The following SIM2 variants were observed in gnomAD, a reference collection of about 807,000 sequenced individuals.
SIM2 encodes the protein SIM bHLH transcription factor 2.
SIM2 carries 28 observed loss-of-function variants against 64.8 expected under a neutral mutation model. The observed-to-expected ratio is 0.43, with a 90% CI of 0.32 to 0.59. The LOEUF (loss-of-function observed/expected upper bound fraction) is 0.59. Ranked by LOEUF, SIM2 falls within the 20% of genes least tolerant of loss-of-function variation. The pLI is 0.07. For synonymous variants in SIM2, 408 were observed against 391.1 expected, an observed-to-expected ratio of 1.04 and a Z score of -0.51; for missense variants, 847 against 871.4, an observed-to-expected ratio of 0.97 and a Z score of 0.35.
At chr21:36,729,639 C>T (rs542312168) in intron 6 of SIM2, among the ~76,000 whole-genome samples, 172 of 152,316 alleles carry the variant, frequency 1.1e-3, no homozygotes, top group Non-Finnish European at 1.9e-3. Flanking sequence ...CCTCTTTCCC[C>T]GACCTCACCC....
rs1215474267 is a variant in SIM2 at position 36,726,367 on chromosome 21, G to T, written c.743+49G>T. 31 of 1,543,582 alleles carry T rather than the reference G, an allele frequency of 2.0e-5. No individual in the cohort carries two copies. The Admixed American group carries it at 5.1e-4, about 25-fold the overall frequency. ...GGCTGTGGCCTTCTGGAAGACACCG[G>T]TGGTGGAAATGGGTCCCTGAAAGCT... On this transcript the variant is annotated intron_variant, in intron 6 of 10. Coordinates refer to ENST00000290399, the MANE Select transcript of SIM2 (RefSeq NM_005069.6). This position sits in a 1 kb window ranked among gnomAD's most constrained non-coding sequence, Gnocchi z 4.5.
chr21:36,744,216 A>G (rs886865050), intron 9 of SIM2, among the ~76,000 whole-genome samples: 2 of 151,774 alleles, frequency 1.3e-5, no homozygotes, highest in Non-Finnish European at 2.9e-5. Flanking sequence ...TGGGTGACAG[A>G]GCAAGACTCC....
chr21:36,726,147 T>A lies in SIM2; in HGVS notation c.572T>A (p.Ile191Asn). 6.2e-7 allele frequency: 1 copy of A among 1,613,890 alleles called. No homozygotes were observed. The highest frequency in any genetic ancestry group is 8.5e-7 in the Non-Finnish European group (1 of 1,180,034). Residue 191 changes from isoleucine (I) to asparagine (N), a missense_variant, in exon 6 of 11, where the codon ATC (isoleucine) becomes AAC (asparagine). Physicochemically the swap from Ile to Asn is moderately radical, Grantham distance 149. Transcript: ENST00000290399. The surrounding 1 kb of genome is among the most constrained non-coding windows in gnomAD (Gnocchi z 4.5). ...ATCCACTGCAGTGGCTACTTGAAGA[T>A]CAGGCAGTATATGCTGGACATGTCC... ...KVIHCSGYLK[I>N]RQYMLDMSLY...
In SIM2 at chr21:36,741,679, C is replaced by G. The variant is rs374194854; in HGVS notation, c.851-38C>G. 3 of 1,605,480 alleles carry G rather than the reference C, an allele frequency of 1.9e-6. No homozygotes were observed. The South Asian group carries it at 3.3e-5, about 18-fold the overall frequency. On this transcript the variant is annotated intron_variant, in intron 7 of 10. Transcript: ENST00000290399. ...GGCAGCATCCCAGAGGTGGGGCCTGCGAAGCGTCTGAGGACTCCTGTCACC... is the reference window on the plus strand; with the variant it reads ...GGCAGCATCCCAGAGGTGGGGCCTGGGAAGCGTCTGAGGACTCCTGTCACC...
rs1290097771 is a variant in SIM2, at chr21:36,746,126, C to T, written c.1576+990C>T. ...AGGTCAGGAGTTTGCGACAAGCCTGCCAACAAGCTGAAACCCCATCTCCAC... is the reference window on the plus strand; with the variant it reads ...AGGTCAGGAGTTTGCGACAAGCCTGTCAACAAGCTGAAACCCCATCTCCAC... On this transcript the variant is annotated intron_variant, in intron 10 of 10. Coordinates refer to ENST00000290399, the MANE Select transcript of SIM2 (RefSeq NM_005069.6). 3 of 373,178 alleles carry T rather than the reference C, an allele frequency of 8.0e-6. No homozygotes were observed. The East Asian group carries it at 2.8e-4, about 35-fold the overall frequency. The allele number at this position is 373,178 out of a possible 1,614,324, so 23.1% of individuals were successfully genotyped here.
intron 1 of SIM2, 37 bp from the exon 2 acceptor site, chr21:36,709,131 G>T (rs767114456): frequency 3.2e-6 from 5 of 1,569,450 alleles, no homozygotes; most frequent in Admixed American, 3.6e-5. Context: ...CGGGCTGGGC[G>T]CTGCAGTTTA....
intron 3 of SIM2, among the ~76,000 whole-genome samples, chr21:36,717,450 C>CTTTT (rs528248816): frequency 1.5e-5 from 2 of 134,794 alleles, no homozygotes; most frequent in East Asian, 2.1e-4. Flanking sequence ...TCTTTCTTTT[C>CTTTT]TTTTTTTTTT....
In SIM2 at chr21:36,719,728, T is replaced by C. The variant is rs544579586; in HGVS notation, c.349-93T>C. 3.5e-4 allele frequency: 260 copies of C among 752,538 alleles called. 1 individual carries two copies. In the Middle Eastern group the frequency reaches 6.0e-3, roughly 17 times the overall value. The allele number at this position is 752,538 out of a possible 1,614,324, so 46.6% of individuals were successfully genotyped here. A position where few individuals can be genotyped will look rare whatever the true frequency, so the allele number is the denominator to read the frequency against. ...TCAGCAGAGATCAAAGTTCTGTTCC[T>C]GGCAGGGTGAGCACCTGTGACACAC... is the stretch of plus-strand genomic sequence containing the variant. On this transcript the variant is annotated intron_variant, in intron 3 of 10. Transcript: ENST00000290399.
chr21:36,726,232 C>T lies in SIM2; in HGVS notation c.657C>T (p.Pro219=). ...TGGCCGTGGGCCAGTCGCTGCCACC[C>T]AGTGCCATCACCGAGATCAAGCTGT... The part of the protein sequence containing the change: ...GLVAVGQSLP[P]SAITEIKLYS... The change falls in exon 6 of 11, where the codon CCC becomes CCT. Residue 219 remains proline (P), a synonymous_variant. Transcript: ENST00000290399. This position sits in a 1 kb window ranked among gnomAD's most constrained non-coding sequence, Gnocchi z 4.5. 6.2e-7 allele frequency: 1 copy of T among 1,613,782 alleles called. No individual in the cohort carries two copies. The highest frequency in any genetic ancestry group is 8.5e-7 in the Non-Finnish European group (1 of 1,180,016).
chr21:36,743,303 C>A, intron 8 of SIM2, 84 bp from the exon 9 acceptor site: 1 of 1,213,070 alleles, frequency 8.2e-7, no homozygotes, highest in Non-Finnish European at 1.2e-6. Context: ...GCACTGAGAA[C>A]GCCCTGCCCA....
intron 3 of SIM2, among the ~76,000 whole-genome samples, chr21:36,716,514 A>G (rs555636376): frequency 6.6e-6 from 1 of 152,350 alleles, no homozygotes; most frequent in Admixed American, 6.5e-5. Context: ...AAAAGACAAC[A>G]TAATTATGTT....
At chr21:36,705,095 G>A (rs887092427) in intron 1 of SIM2, among the ~76,000 whole-genome samples, 2 of 152,184 alleles carry the variant, frequency 1.3e-5, no homozygotes, top group African/African-American at 4.8e-5. Context: ...ACAGGTTCCC[G>A]GCGACTGGTG....
At chr21:36,733,947 A>G (rs1025091152) in intron 7 of SIM2, among the ~76,000 whole-genome samples, 2 of 152,110 alleles carry the variant, frequency 1.3e-5, no homozygotes, top group Admixed American at 1.3e-4. Flanking sequence ...TGTGTCCATC[A>G]TGGGTAGATG....
intron 1 of SIM2, among the ~76,000 whole-genome samples, chr21:36,705,635 G>A (rs1398696703): frequency 2.0e-5 from 3 of 152,188 alleles, no homozygotes; most frequent in Non-Finnish European, 2.9e-5. Flanking sequence ...CCGAGGAGAC[G>A]GGCCCAGCTG....
chr21:36,732,772 T>A (rs538992203), intron 7 of SIM2, among the ~76,000 whole-genome samples: 2 of 152,186 alleles, frequency 1.3e-5, no homozygotes, highest in Non-Finnish European at 2.9e-5. Context: ...TCGGTGTCAC[T>A]AATATGGGAG....
chr21:36,733,232 T>G (rs1467974956), intron 7 of SIM2, among the ~76,000 whole-genome samples: 1 of 151,718 alleles, frequency 6.6e-6, no homozygotes, highest in African/African-American at 2.4e-5. Flanking sequence ...AAAAATCTCT[T>G]TTTTTTTAAT....
At chr21:36,725,834 T>C (rs2088882709) in intron 5 of SIM2, among the ~76,000 whole-genome samples, 1 of 152,214 alleles carries the variant, frequency 6.6e-6, no homozygotes, top group South Asian at 2.1e-4. Flanking sequence ...TCACCAAGGC[T>C]GGTCTCGAAC....
Position 36,748,639 on chromosome 21 carries a change from GTTTT to G in SIM2, c.*549_*552del, listed in dbSNP as rs2089271949. On this transcript the variant is annotated 3_prime_UTR_variant, in exon 11 of 11. Coordinates refer to ENST00000290399, the MANE Select transcript of SIM2 (RefSeq NM_005069.6). The stretch of plus-strand genomic sequence containing the variant: ...GTCATTCAAGAGTCTCATTATTTTT[GTTTT>G]TATTTAACCCTTTCTTCAATACAAA... 6.6e-6 allele frequency: 1 copy of G among 152,278 alleles called. No individual in the cohort carries two copies. The highest frequency in any genetic ancestry group is 1.5e-5 in the Non-Finnish European group (1 of 67,984). The allele number at this position is 152,278 out of a possible 1,614,324, so 9.4% of individuals were successfully genotyped here.
intron 3 of SIM2, among the ~76,000 whole-genome samples, chr21:36,714,176 G>A (rs981651673): frequency 1.3e-5 from 2 of 152,194 alleles, no homozygotes; most frequent in African/African-American, 4.8e-5. Flanking sequence ...GGGCCCTTAA[G>A]TTGTACCCAG....
Sources: allele counts gnomAD v4.1 joint callset (sites outside exome capture counted in the v4.1 genomes callset), GRCh38; gene constraint gnomAD v4.1.1; non-coding constraint Gnocchi (gnomAD v3.1); transcripts MANE v1.5; gene names NCBI Gene and HGNC (gene_info 2026-07-23, HGNC 2026-07-21).